Variants in EHMT1 observed in about 807,000 individuals in gnomAD.
EHMT1 encodes histone-lysine N-methyltransferase EHMT1.
In EHMT1, 15 loss-of-function variants were observed where a neutral mutation model predicts 147.2. That is an observed-to-expected ratio of 0.10 (90% CI 0.07 to 0.16). EHMT1 has a LOEUF of 0.16. Ranked by LOEUF, EHMT1 falls within the 10% of genes least tolerant of loss-of-function variation. The pLI, the probability that EHMT1 is intolerant of heterozygous loss-of-function variation, is 1.00. For synonymous variants in EHMT1, 795 were observed against 709.6 expected (o/e 1.12, Z -1.91); for missense variants, 1,587 against 1,772.4 (o/e 0.90, Z 1.88).
intron 4 of EHMT1, among the ~76,000 whole-genome samples, chr9:137,739,111 C>T (rs1947823645): frequency 6.7e-6 from 1 of 149,590 alleles, no homozygotes; most frequent in African/African-American, 2.5e-5. Context: ...GTGGCTCATG[C>T]CTGTAATCCC....
At position 137,762,710 on chromosome 9, in the gene EHMT1, G is replaced by A. The variant is rs774917122; in HGVS notation, c.1537G>A (p.Gly513Ser). ...CGGTCCAGATGTGCTGGAGACAGAC[G>A]GCCTCCAGGAAGTGCCTCTCTGCAG... ...ANGPDVLETD[G>S]LQEVPLCSCR... Residue 513 changes from glycine to serine, a missense_variant, in exon 10 of 27, where the codon GGC becomes AGC. By Grantham distance (56) the Gly-to-Ser change is moderately conservative. Transcript: ENST00000460843. 8 of 1,614,204 alleles carry A rather than the reference G, an allele frequency of 5.0e-6. No homozygotes were observed. The highest frequency in any genetic ancestry group is 2.2e-5 in the South Asian group (2 of 91,080).
chr9:137,686,025 A>T (rs1942395865), intron 1 of EHMT1, among the ~76,000 whole-genome samples: 1 of 152,210 alleles, frequency 6.6e-6, no homozygotes, highest in South Asian at 2.1e-4. Context: ...TGGCACTCCC[A>T]GTTCAGTCTC....
At position 137,731,587 on chromosome 9, in the gene EHMT1, C is replaced by T. The variant is rs756825239; in HGVS notation, c.823+3058C>T. Among the ~76,000 whole-genome samples, 11 of 152,160 alleles carry T rather than the reference C, an allele frequency of 7.2e-5. No individual in the cohort carries two copies. The highest frequency in any genetic ancestry group is 1.3e-4 in the Non-Finnish European group (9 of 68,032). On this transcript the variant is annotated intron_variant, in intron 4 of 26. Transcript: ENST00000460843. This position sits in a 1 kb window ranked among gnomAD's most constrained non-coding sequence, Gnocchi z 4.3. The stretch of plus-strand genomic sequence containing the variant: ...TCCATACAGAGCAGGAATCGGGGTA[C>T]GTCCTATCCTGTTGTCACAGGATCC...
intron 22 of EHMT1, 200 bp downstream of exon 22, chr9:137,814,708 C>T (rs1012221518): frequency 2.1e-5 from 14 of 656,086 alleles, no homozygotes; most frequent in Admixed American, 8.9e-5. Context: ...GACATGGCTG[C>T]GGATTCCCTG....
At chr9:137,795,270 T>A (rs1952811136) in intron 16 of EHMT1, 1 of 152,116 alleles carries the variant, frequency 6.6e-6, no homozygotes, top group South Asian at 2.1e-4. Flanking sequence ...TTAAGAAAGA[T>A]TAATACAAAC....
intron 1 of EHMT1, chr9:137,650,850 T>C (rs1937726889): frequency 6.6e-6 from 1 of 151,750 alleles, no homozygotes; most frequent in African/African-American, 2.4e-5. Flanking sequence ...TTTTTTAATT[T>C]TTTGTGCAGA....
rs1950935712 is a variant in EHMT1 at position 137,776,077 on chromosome 9, A to G, written c.1792-541A>G. ...ACTTTCTTTGGACTTCACACCTTGC[A>G]TGTCCTCCCCATCTTCAAACATCCT... is the stretch of plus-strand genomic sequence containing the variant. On this transcript the variant is annotated intron_variant, in intron 11 of 26. Coordinates refer to ENST00000460843, the MANE Select transcript of EHMT1 (RefSeq NM_024757.5). The surrounding 1 kb of genome is among the most constrained non-coding windows in gnomAD (Gnocchi z 4.4). Among the ~76,000 whole-genome samples the G allele has an allele frequency of 6.6e-6, 1 of 152,148 alleles. No individual in the cohort carries two copies. The highest frequency in any genetic ancestry group is 2.4e-5 in the African/African-American group (1 of 41,432).
In EHMT1 at chr9:137,778,143, T is replaced by C. The variant is rs1588656605; in HGVS notation, c.2192+88T>C. 10 of 1,507,020 alleles carry C rather than the reference T, an allele frequency of 6.6e-6. No individual in the cohort carries two copies. The East Asian group carries it at 2.1e-4, about 31-fold the overall frequency. The allele number at this position is 1,507,020 out of a possible 1,614,324, so 93.4% of individuals were successfully genotyped here. On this transcript the variant is annotated intron_variant, in intron 13 of 26. Coordinates refer to ENST00000460843, the MANE Select transcript of EHMT1 (RefSeq NM_024757.5). The stretch of plus-strand genomic sequence containing the variant: ...TTTCCCCATGGTGTCACTTTAGCAC[T>C]TCTCAGCTTTTTGATTAATGCTGTT...
At chr9:137,636,680 G>T (rs1433144803) in intron 1 of EHMT1, among the ~76,000 whole-genome samples, 1 of 151,862 alleles carries the variant, frequency 6.6e-6, no homozygotes, top group Non-Finnish European at 1.5e-5. Context: ...TATTGATATG[G>T]TGTCTTACAT....
intron 10 of EHMT1, among the ~76,000 whole-genome samples, chr9:137,767,251 C>G (rs1003968592): frequency 1.3e-5 from 2 of 152,200 alleles, no homozygotes; most frequent in African/African-American, 4.8e-5. Context: ...TCTTGAGTAG[C>G]TGGGATTGGA....
intron 7 of EHMT1, among the ~76,000 whole-genome samples, chr9:137,753,017 G>A (rs1949095687): frequency 1.3e-5 from 2 of 152,174 alleles, no homozygotes; most frequent in Non-Finnish European, 2.9e-5. Context: ...GTGCACCCTG[G>A]TCTGCGGGAA....
intron 1 of EHMT1, among the ~76,000 whole-genome samples, chr9:137,708,037 C>G (rs908440298): frequency 6.6e-6 from 1 of 152,162 alleles, no homozygotes; most frequent in African/African-American, 2.4e-5. Context: ...GAAATGAAAA[C>G]TGAAAAGTTA....
At chr9:137,797,526 T>A (rs1431970458) in intron 16 of EHMT1, among the ~76,000 whole-genome samples, 1 of 151,936 alleles carries the variant, frequency 6.6e-6, no homozygotes, top group Non-Finnish European at 1.5e-5. Flanking sequence ...CTGCCAGCAG[T>A]TAGGAGATTG....
At position 137,835,716 on chromosome 9, in the gene EHMT1, CAAAAT is replaced by C. The variant is rs1204646310; in HGVS notation, c.*768_*772del. The C allele has an allele frequency of 1.3e-5, 2 of 152,672 alleles. No homozygotes were observed. Among genetic ancestry groups the C allele is most frequent in the Admixed American group, 6.5e-5 (1 of 15,292 alleles). The allele number at this position is 152,672 out of a possible 1,614,324, so 9.5% of individuals were successfully genotyped here. ...CCATTACTGAACATTAGGACAAACA[CAAAAT>C]AAAAAACAAAACACAGACAACGGTG... On this transcript the variant is annotated 3_prime_UTR_variant, in exon 27 of 27. Transcript: ENST00000460843.
chr9:137,740,236 A>T (rs1210768835), intron 4 of EHMT1, among the ~76,000 whole-genome samples: 1 of 150,282 alleles, frequency 6.7e-6, no homozygotes, highest in African/African-American at 2.5e-5. Flanking sequence ...TCTGTTCCAC[A>T]CTGTCCTATG....
rs368480442 is a variant in EHMT1, at chr9:137,671,442, G to A, written c.22-39525G>A. Among the ~76,000 whole-genome samples the A allele has an allele frequency of 6.0e-5, 9 of 150,866 alleles. No individual in the cohort carries two copies. The East Asian group carries it at 1.7e-3, about 29-fold the overall frequency. ...AAAACATATAGTAAAAACCTGAAGG[G>A]AAGATGACCCTGAAGTTAGATAATG... On this transcript the variant is annotated intron_variant, in intron 1 of 26. Transcript: ENST00000460843.
chr9:137,726,453 G>T (rs868260339), intron 3 of EHMT1, among the ~76,000 whole-genome samples: 6 of 152,298 alleles, frequency 3.9e-5, no homozygotes, highest in Middle Eastern at 6.8e-3. Context: ...CCCCAGCTTC[G>T]CTGCTTCTCA....
intron 4 of EHMT1, among the ~76,000 whole-genome samples, chr9:137,742,289 T>TTGTGTGTGTGTG (rs56080406): frequency 0.011 from 1,461 of 135,106 alleles, 20 homozygotes; most frequent in Middle Eastern, 0.029. Flanking sequence ...AGAACCAAAT[T>TTGTGTGTGTGTG]TGTGTGTGTG....
chr9:137,814,190 C>T (rs1310030639), intron 21 of EHMT1: 16 of 610,604 alleles, frequency 2.6e-5, no homozygotes, highest in Middle Eastern at 3.2e-4. Context: ...ACTGCCGCGT[C>T]GCTGCCCTGC....
Sources: allele counts gnomAD v4.1 joint callset (sites outside exome capture counted in the v4.1 genomes callset), GRCh38; gene constraint gnomAD v4.1.1; non-coding constraint Gnocchi (gnomAD v3.1); transcripts MANE v1.5; gene names NCBI Gene and HGNC (gene_info 2026-07-23, HGNC 2026-07-21).